The following SLC6A15 variants were observed in gnomAD, a reference collection of about 807,000 sequenced individuals.
SLC6A15 encodes sodium-dependent neutral amino acid transporter B(0)AT2.
In SLC6A15, 33 loss-of-function variants were observed where a neutral mutation model predicts 68.5. The observed-to-expected ratio is 0.48, with a 90% CI of 0.37 to 0.64. SLC6A15 has a LOEUF of 0.64. Among genes scored for constraint, SLC6A15 ranks in the 30% least tolerant of loss-of-function variants. The probability of loss-of-function intolerance (pLI) is 0.00; values close to 1 mark genes in which losing one functional copy is unlikely to be tolerated. For missense variants in SLC6A15, 747 were observed against 874.3 expected, an observed-to-expected ratio of 0.85 and a Z score of 1.84; for synonymous variants, 347 against 301.0, an observed-to-expected ratio of 1.15 and a Z score of -1.58.
intron 9 of SLC6A15, 108 bp from the exon 10 acceptor site, chr12:84,867,301 C>T (rs1419815689): frequency 3.2e-6 from 3 of 925,184 alleles, no homozygotes; most frequent in Non-Finnish European, 4.6e-6. Context: ...ATAACATGTC[C>T]ATCATATAAA....
chr12:84,869,498 A>G (rs1471422141), intron 9 of SLC6A15, among the ~76,000 whole-genome samples: 1 of 148,820 alleles, frequency 6.7e-6, no homozygotes, highest in Non-Finnish European at 1.5e-5. Flanking sequence ...GCCTTGGGGA[A>G]TTGCACACCA....
chr12:84,881,008 G>A (rs893870409), intron 5 of SLC6A15: 38 of 291,810 alleles, frequency 1.3e-4, no homozygotes, highest in Non-Finnish European at 1.9e-4. Flanking sequence ...CAGTAAAATG[G>A]GGATAAAATA....
At chr12:84,869,764 T>C (rs11829477) in intron 9 of SLC6A15, among the ~76,000 whole-genome samples, 4,927 of 152,268 alleles carry the variant, frequency 0.032, 264 homozygotes, top group African/African-American at 0.11. Context: ...ATATGTAAAA[T>C]CCATTATGCT....
rs543707009 is a variant in SLC6A15 at position 84,859,977 on chromosome 12, T to A, written c.*1655A>T. 4.6e-5 allele frequency: 7 copies of A among 152,176 alleles called. No individual in the cohort carries two copies. The South Asian group carries it at 1.4e-3, about 32-fold the overall frequency. The allele number at this position is 152,176 out of a possible 1,614,324, so 9.4% of individuals were successfully genotyped here. A position where few individuals can be genotyped will look rare whatever the true frequency, so the allele number is the denominator to read the frequency against. ...TGAGAACTTACTTCACACTGAATTG[T>A]CATAATTTTTTAGTTTTGTATAATG... On this transcript the variant is annotated 3_prime_UTR_variant, in exon 12 of 12. Transcript: ENST00000266682.
chr12:84,903,134 TATAATC>T (rs1311653663), intron 1 of SLC6A15, among the ~76,000 whole-genome samples: 3 of 152,166 alleles, frequency 2.0e-5, no homozygotes, highest in Non-Finnish European at 4.4e-5. Context: ...CAAAATTAAT[TATAATC>T]ATAAAGCAAT....
chr12:84,872,665 C>T lies in SLC6A15; in HGVS notation c.1239G>A (p.Val413=). 1 of 1,611,988 alleles carries T rather than the reference C, an allele frequency of 6.2e-7. No homozygotes were observed. The highest frequency in any genetic ancestry group is 8.5e-7 in the Non-Finnish European group (1 of 1,179,534). ...YHLVYDIIQK[V]KEEEFPALHL... ...GAAGAGCAGGAAACTCTTCTTCTTTCACTTTTTGAATGATGTCATAAACTA... is the reference window on the plus strand; with the variant it reads ...GAAGAGCAGGAAACTCTTCTTCTTTTACTTTTTGAATGATGTCATAAACTA... The change falls in exon 8 of 12, where the codon GTG becomes GTA. Residue 413 remains valine (V), a synonymous_variant. Transcript: ENST00000266682.
intron 10 of SLC6A15, among the ~76,000 whole-genome samples, chr12:84,863,824 C>A (rs1032951726): frequency 5.3e-5 from 8 of 152,004 alleles, no homozygotes; most frequent in Non-Finnish European, 1.0e-4. Flanking sequence ...TTACTGATTT[C>A]TCCTTCTACT....
chr12:84,903,706 C>T (rs1872996692), intron 1 of SLC6A15, among the ~76,000 whole-genome samples: 1 of 152,084 alleles, frequency 6.6e-6, no homozygotes, highest in Non-Finnish European at 1.5e-5. Flanking sequence ...AGTCTAACAT[C>T]CCTCTCCATC....
intron 1 of SLC6A15, among the ~76,000 whole-genome samples, chr12:84,902,529 C>A (rs1872932637): frequency 6.6e-6 from 1 of 151,324 alleles, no homozygotes; most frequent in African/African-American, 2.4e-5. Context: ...TAAAAAAAAA[C>A]TTACAAAACT....
rs537257910 is a variant in SLC6A15 at position 84,867,269 on chromosome 12, T to C, written c.1496-76A>G. The C allele has an allele frequency of 8.4e-5, 103 of 1,231,178 alleles. 1 individual carries two copies. In the South Asian group the frequency reaches 1.9e-3, roughly 22 times the overall value. The allele number at this position is 1,231,178 out of a possible 1,614,324, so 76.3% of individuals were successfully genotyped here. The stretch of plus-strand genomic sequence containing the variant: ...CTTTAAACTTTATTATAAATTATTA[T>C]ATTCAAACTTTTAAAACTTTTATAA... On this transcript the variant is annotated intron_variant, in intron 9 of 11. Transcript: ENST00000266682.
intron 5 of SLC6A15, chr12:84,881,331 C>A: frequency 2.3e-6 from 1 of 444,400 alleles, no homozygotes; most frequent in Non-Finnish European, 3.0e-6. Flanking sequence ...GGCTTACCAC[C>A]ATCACAACCT....
intron 1 of SLC6A15, among the ~76,000 whole-genome samples, chr12:84,908,893 T>C (rs1873305218): frequency 6.6e-6 from 1 of 152,120 alleles, no homozygotes; most frequent in East Asian, 1.9e-4. Context: ...GATCTCAATG[T>C]AATAGCTTCA....
intron 5 of SLC6A15, chr12:84,881,454 T>C (rs901190548): frequency 1.0e-6 from 1 of 985,362 alleles, no homozygotes; most frequent in Non-Finnish European, 1.2e-6. Flanking sequence ...AGCTGAAATT[T>C]CTCATAATAA....
chr12:84,904,014 C>T (rs1592615882), intron 1 of SLC6A15, among the ~76,000 whole-genome samples: 2 of 151,804 alleles, frequency 1.3e-5, no homozygotes, highest in East Asian at 3.9e-4. Flanking sequence ...GGCTGTTTTC[C>T]CTTCTTTTAA....
chr12:84,861,540 C>T lies in SLC6A15; in HGVS notation c.*92G>A. On this transcript the variant is annotated 3_prime_UTR_variant, in exon 12 of 12. Transcript: ENST00000266682. ...ACAGCCACGGAACACCTGAGATTGC[C>T]CTCTGATAAGTGAAGCCTAATGCTT... is the stretch of plus-strand genomic sequence containing the variant. The T allele has an allele frequency of 7.1e-7, 1 of 1,412,986 alleles. No homozygotes were observed. Among genetic ancestry groups the T allele is most frequent in the Admixed American group, 2.2e-5 (1 of 44,660 alleles). The allele number at this position is 1,412,986 out of a possible 1,614,324, so 87.5% of individuals were successfully genotyped here.
intron 5 of SLC6A15, chr12:84,882,111 AG>A (rs1871847600): frequency 1.0e-6 from 1 of 985,438 alleles, no homozygotes; most frequent in South Asian, 4.7e-5. Flanking sequence ...AGTGATGCTA[AG>A]ACACAGACTA....
Position 84,892,090 on chromosome 12 carries a change from C to T in SLC6A15, c.31G>A (p.Glu11Lys). MPKNSKVVKR[E>K]LDDDVTESVK... ...GACTCAGTAACATCATCATCTAATT[C>T]TCTTTTTACCACCTTGCTATTTTTG... The change falls in exon 2 of 12, where the codon GAA (glutamate) becomes AAA (lysine). Residue 11 changes from glutamate (E) to lysine (K), a missense_variant. By Grantham distance (56) the Glu-to-Lys change is moderately conservative (BLOSUM62 1). Coordinates refer to ENST00000266682, the MANE Select transcript of SLC6A15 (RefSeq NM_182767.6). 1.2e-6 allele frequency: 2 copies of T among 1,610,806 alleles called. No homozygotes were observed. Among genetic ancestry groups the T allele is most frequent in the Non-Finnish European group, 1.7e-6 (2 of 1,178,890 alleles).
chr12:84,880,854 A>G (rs908960301), intron 5 of SLC6A15: 9 of 925,528 alleles, frequency 9.7e-6, no homozygotes, highest in Non-Finnish European at 1.2e-5. Context: ...ATTGTTTTAC[A>G]TATGAAAAAT....
chr12:84,899,784 T>C (rs1305048447), intron 1 of SLC6A15, among the ~76,000 whole-genome samples: 15 of 152,164 alleles, frequency 9.9e-5, no homozygotes, highest in Admixed American at 9.2e-4. Context: ...TCTCAATCTC[T>C]CATTTTTTGT....
Sources: gnomAD v4.1 joint callset for allele counts (sites outside exome capture counted in the v4.1 genomes callset) on GRCh38, gnomAD v4.1.1 for gene constraint, MANE v1.5 for transcripts, NCBI Gene and HGNC (gene_info 2026-07-23, HGNC 2026-07-21) for gene names.